The following FAM168A variants were observed in gnomAD, a reference collection of about 807,000 sequenced individuals.
FAM168A encodes protein FAM168A.
FAM168A carries 3 observed loss-of-function variants against 28.5 expected under a neutral mutation model. The ratio of observed to expected loss-of-function variants is 0.11; its 90% CI spans 0.05 to 0.27. The LOEUF (loss-of-function observed/expected upper bound fraction) is 0.27, where lower values mean the gene tolerates loss of function less well. Ranked by LOEUF, FAM168A falls within the 10% of genes least tolerant of loss-of-function variation. FAM168A has a pLI of 1.00. For synonymous variants in FAM168A, 122 were observed against 124.2 expected (o/e 0.98, Z 0.12); for missense variants, 222 against 311.5 (o/e 0.71, Z 2.16).
chr11:73,502,338 A>T (rs1364884648), intron 1 of FAM168A, among the ~76,000 whole-genome samples: 1 of 152,198 alleles, frequency 6.6e-6, no homozygotes, highest in Non-Finnish European at 1.5e-5. Flanking sequence ...ACAGAAATAC[A>T]AACTACCATC....
intron 1 of FAM168A, among the ~76,000 whole-genome samples, chr11:73,529,909 C>A (rs986891592): frequency 2.0e-5 from 3 of 150,882 alleles, no homozygotes; most frequent in Non-Finnish European, 2.9e-5. Flanking sequence ...GCCTCAGTCT[C>A]CAGAGTAGCT....
intron 1 of FAM168A, among the ~76,000 whole-genome samples, chr11:73,523,729 G>A (rs992987119): frequency 3.3e-5 from 5 of 152,076 alleles, no homozygotes; most frequent in African/African-American, 1.2e-4. Context: ...GATTACAGGT[G>A]TGAGCCACCA....
At chr11:73,563,889 C>A (rs371540657) in intron 1 of FAM168A, among the ~76,000 whole-genome samples, 3 of 152,304 alleles carry the variant, frequency 2.0e-5, no homozygotes, top group African/African-American at 7.2e-5. Context: ...AGCAAAAAGC[C>A]TAATTACTGA....
At chr11:73,504,764 T>C (rs1940596416) in intron 1 of FAM168A, among the ~76,000 whole-genome samples, 1 of 152,152 alleles carries the variant, frequency 6.6e-6, no homozygotes, top group African/African-American at 2.4e-5. Flanking sequence ...CTAAATGCCA[T>C]CAATGATAGA....
intron 1 of FAM168A, among the ~76,000 whole-genome samples, chr11:73,508,033 G>A (rs1855149522): frequency 6.6e-6 from 1 of 152,132 alleles, no homozygotes; most frequent in South Asian, 2.1e-4. Context: ...AATTAATTGT[G>A]TAATCTTGGG....
intron 1 of FAM168A, among the ~76,000 whole-genome samples, chr11:73,579,907 T>G (rs1289025129): frequency 6.6e-6 from 1 of 152,210 alleles, no homozygotes; most frequent in East Asian, 1.9e-4. Context: ...CAATAATTTT[T>G]CAGATACCAT....
At chr11:73,543,270 T>TTTG (rs1473180930) in intron 1 of FAM168A, among the ~76,000 whole-genome samples, 4 of 147,924 alleles carry the variant, frequency 2.7e-5, no homozygotes, top group African/African-American at 1.0e-4. Context: ...TTCTTTTTTT[T>TTTG]TTTTTTTTTT....
intron 1 of FAM168A, among the ~76,000 whole-genome samples, chr11:73,573,329 T>C (rs1003780959): frequency 2.0e-5 from 3 of 152,178 alleles, no homozygotes; most frequent in African/African-American, 7.2e-5. Flanking sequence ...TCCTCAACAG[T>C]TCTCCACACA....
chr11:73,457,167 T>C (rs940314404), intron 2 of FAM168A, among the ~76,000 whole-genome samples: 2 of 151,962 alleles, frequency 1.3e-5, no homozygotes, highest in African/African-American at 2.4e-5. Context: ...GTGAAATGAT[T>C]GCCCAAAGCC....
intron 3 of FAM168A, among the ~76,000 whole-genome samples, chr11:73,429,059 T>C (rs1156845188): frequency 6.6e-6 from 1 of 152,216 alleles, no homozygotes; most frequent in Non-Finnish European, 1.5e-5. Context: ...AATTATGACA[T>C]GATTCCTACT....
At chr11:73,421,091 T>G (rs1866785120) in intron 3 of FAM168A, among the ~76,000 whole-genome samples, 2 of 148,012 alleles carry the variant, frequency 1.4e-5, no homozygotes, top group African/African-American at 2.5e-5. Flanking sequence ...GTCATGGATA[T>G]GGGGTGCTAT....
intron 1 of FAM168A, among the ~76,000 whole-genome samples, chr11:73,493,372 CTGTGTA>C (rs1235276435): frequency 6.6e-6 from 1 of 152,052 alleles, no homozygotes; most frequent in African/African-American, 2.4e-5. Flanking sequence ...CTCACTGTGT[CTGTGTA>C]TGTATCTTTA....
chr11:73,505,256 G>A lies in FAM168A; in HGVS notation c.-18-36764C>T, dbSNP rs958103792. Among the ~76,000 whole-genome samples, 21 of 144,942 alleles carry A rather than the reference G, an allele frequency of 1.4e-4. No individual in the cohort carries two copies. In the East Asian group the frequency reaches 2.4e-3, roughly 16 times the overall value. On this transcript the variant is annotated intron_variant, in intron 1 of 7. Coordinates refer to ENST00000356467, the MANE Select transcript of FAM168A (RefSeq NM_015159.3). The stretch of plus-strand genomic sequence containing the variant: ...TTGCAAAAAGGAAAAAAAAAAAAAA[G>A]AGCAAGGACTTTGGAGACAGAGAGC...
At chr11:73,482,002 C>T (rs1313165650) in intron 1 of FAM168A, among the ~76,000 whole-genome samples, 1 of 152,090 alleles carries the variant, frequency 6.6e-6, no homozygotes, top group Non-Finnish European at 1.5e-5. Flanking sequence ...GAGGACACAG[C>T]ATTCAAGGTG....
intron 2 of FAM168A, among the ~76,000 whole-genome samples, chr11:73,439,052 C>T (rs1360882402): frequency 2.6e-5 from 4 of 151,440 alleles, no homozygotes; most frequent in Non-Finnish European, 5.9e-5. Flanking sequence ...ATTTCTCTTA[C>T]TAGCTGGGAG....
At chr11:73,484,657 T>G (rs1868024867) in intron 1 of FAM168A, among the ~76,000 whole-genome samples, 1 of 145,150 alleles carries the variant, frequency 6.9e-6, no homozygotes, top group Non-Finnish European at 1.5e-5. Context: ...TCTATCTATA[T>G]ATAGATAGAT....
At chr11:73,555,393 T>C (rs757936843) in intron 1 of FAM168A, among the ~76,000 whole-genome samples, 2 of 151,062 alleles carry the variant, frequency 1.3e-5, no homozygotes, top group Non-Finnish European at 3.0e-5. Context: ...TGGGGGCTCA[T>C]GAAAGGCCTC....
intron 1 of FAM168A, among the ~76,000 whole-genome samples, chr11:73,555,197 T>C (rs923092495): frequency 6.6e-6 from 1 of 152,094 alleles, no homozygotes. Flanking sequence ...TGGTGAAAGA[T>C]GTAGTTGCAA....
chr11:73,455,848 G>A (rs79955630), intron 2 of FAM168A, among the ~76,000 whole-genome samples: 4,512 of 152,238 alleles, frequency 0.03, 221 homozygotes, highest in African/African-American at 0.1. Context: ...GCACCTATGT[G>A]GCTTACTGCT....
Sources: allele counts gnomAD v4.1 joint callset (sites outside exome capture counted in the v4.1 genomes callset), GRCh38; gene constraint gnomAD v4.1.1; transcripts MANE v1.5; gene names NCBI Gene and HGNC (gene_info 2026-07-23, HGNC 2026-07-21).